CAMK2D: variants seen among roughly 807,000 people sequenced by gnomAD.
CAMK2D encodes the protein calcium/calmodulin-dependent protein kinase type II subunit delta.
A neutral mutation model predicts 84.0 loss-of-function variants in CAMK2D; 37 were observed. The ratio of observed to expected loss-of-function variants is 0.44; its 90% confidence interval spans 0.34 to 0.58. CAMK2D has a LOEUF of 0.58. CAMK2D is among the 20% of genes least tolerant of loss of function. The probability of loss-of-function intolerance (pLI) is 0.02; values close to 1 mark genes in which losing one functional copy is unlikely to be tolerated. For synonymous variants in CAMK2D, 202 were observed against 212.5 expected (o/e 0.95, Z 0.43); for missense variants, 448 against 652.5 (o/e 0.69, Z 3.41).
intron 2 of CAMK2D, among the ~76,000 whole-genome samples, chr4:113,752,049 G>A (rs570693933): frequency 6.6e-6 from 1 of 151,402 alleles, no homozygotes; most frequent in Non-Finnish European, 1.5e-5. Flanking sequence ...AAAACCCCAG[G>A]GTATGAAGAA....
At chr4:113,609,574 G>T (rs970620283) in intron 3 of CAMK2D, among the ~76,000 whole-genome samples, 14 of 152,150 alleles carry the variant, frequency 9.2e-5, no homozygotes, top group Admixed American at 7.9e-4. Flanking sequence ...AAAGTTACCA[G>T]GTTCTGGCAA....
intron 3 of CAMK2D, among the ~76,000 whole-genome samples, chr4:113,630,576 C>T (rs1592200579): frequency 6.6e-6 from 1 of 152,166 alleles, no homozygotes; most frequent in East Asian, 1.9e-4. Context: ...ACAGCTGCCG[C>T]TACATCTGCT....
chr4:113,456,678 A>G (rs2097307582), intron 19 of CAMK2D: 1 of 152,444 alleles, frequency 6.6e-6, no homozygotes, highest in African/African-American at 2.4e-5. Context: ...GATAAACTTT[A>G]TTATATCATT....
Position 113,481,683 on chromosome 4 carries a change from T to C in CAMK2D, c.1136-16079A>G, listed in dbSNP as rs566977370. 1.0e-3 allele frequency among the ~76,000 whole-genome samples: 158 copies of C among 152,308 alleles called. 1 individual carries two copies. The highest frequency in any genetic ancestry group is 3.5e-3 in the African/African-American group (146 of 41,574). On this transcript the variant is annotated intron_variant, in intron 16 of 20. Coordinates refer to ENST00000511664, the MANE Select transcript of CAMK2D (RefSeq NM_001321571.2). ...TTTTAGTAGAGATGGGGTTTTGTCA[T>C]GTTGGCCAGGCTGGTCTCAAAAACT...
At chr4:113,503,015 T>A (rs1448238688) in intron 14 of CAMK2D, 38 bp from the exon 15 acceptor site, 1 of 1,450,248 alleles carries the variant, frequency 6.9e-7, no homozygotes, top group Non-Finnish European at 9.7e-7. Flanking sequence ...ACAGTTCGCA[T>A]TGGTAAGTAC....
At chr4:113,760,957 C>T (rs765693868) in intron 1 of CAMK2D, 47 bp downstream of exon 1, 2 of 1,613,318 alleles carry the variant, frequency 1.2e-6, no homozygotes, top group South Asian at 2.2e-5. Flanking sequence ...ACGCGACCCG[C>T]CCTCAGCTGG....
In CAMK2D at chr4:113,761,098, G is replaced by C. The variant is rs750442155; in HGVS notation, c.-30C>G. 11 of 1,613,498 alleles carry C rather than the reference G, an allele frequency of 6.8e-6. No homozygotes were observed. The African/African-American group carries it at 8.0e-5, about 12-fold the overall frequency. On this transcript the variant is annotated 5_prime_UTR_variant, in exon 1 of 21. Coordinates refer to ENST00000511664, the MANE Select transcript of CAMK2D (RefSeq NM_001321571.2). ...GGTCCGGGCTGTGCCCTGGCTGGGA[G>C]CGCGACGGACCAGAAGCGAGCAGAC...
intron 16 of CAMK2D, among the ~76,000 whole-genome samples, chr4:113,466,218 C>A (rs1023521931): frequency 1.3e-5 from 2 of 151,640 alleles, no homozygotes; most frequent in African/African-American, 4.8e-5. Context: ...GATCACGCCA[C>A]TGCACTCCAG....
intron 16 of CAMK2D, among the ~76,000 whole-genome samples, chr4:113,498,560 C>T (rs191498372): frequency 9.2e-5 from 14 of 152,216 alleles, no homozygotes; most frequent in Admixed American, 2.6e-4. Flanking sequence ...TTGGGTTAAA[C>T]GATCAACTGG....
chr4:113,504,022 G>A (rs550288530), intron 14 of CAMK2D, among the ~76,000 whole-genome samples: 23 of 152,132 alleles, frequency 1.5e-4, no homozygotes, highest in African/African-American at 5.3e-4. Flanking sequence ...GATCAACATT[G>A]TTTTTTACTA....
intron 4 of CAMK2D, among the ~76,000 whole-genome samples, chr4:113,555,932 C>T (rs186223576): frequency 1.3e-5 from 2 of 152,104 alleles, no homozygotes; most frequent in Non-Finnish European, 2.9e-5. Flanking sequence ...CTCTTTTCTC[C>T]GTGTAGAGAT....
intron 2 of CAMK2D, among the ~76,000 whole-genome samples, chr4:113,712,398 G>T (rs1053876418): frequency 1.3e-5 from 2 of 152,096 alleles, no homozygotes; most frequent in African/African-American, 4.8e-5. Flanking sequence ...ATGGGAAATA[G>T]TGTTTCCCAA....
chr4:113,559,425 T>C (rs2098687742), intron 4 of CAMK2D, among the ~76,000 whole-genome samples: 1 of 152,254 alleles, frequency 6.6e-6, no homozygotes. Context: ...TTTGCTCATA[T>C]TTTGTTATTT....
At chr4:113,500,817 C>T (rs768798855) in intron 15 of CAMK2D, among the ~76,000 whole-genome samples, 2 of 152,080 alleles carry the variant, frequency 1.3e-5, no homozygotes, top group Non-Finnish European at 2.9e-5. Context: ...TTTTGTGTTA[C>T]AGTGCCCTAT....
chr4:113,673,468 T>C (rs1317890020), intron 2 of CAMK2D, among the ~76,000 whole-genome samples: 2 of 151,978 alleles, frequency 1.3e-5, no homozygotes, highest in Non-Finnish European at 2.9e-5. Flanking sequence ...AAAAGTGGGG[T>C]GTAAAGCCAG....
intron 8 of CAMK2D, among the ~76,000 whole-genome samples, chr4:113,525,555 G>C (rs563168414): frequency 6.6e-5 from 10 of 152,290 alleles, no homozygotes; most frequent in Non-Finnish European, 1.2e-4. Flanking sequence ...CAAAGAGAGA[G>C]TACAGGTCAG....
chr4:113,668,987 G>T (rs887046855), intron 2 of CAMK2D, among the ~76,000 whole-genome samples: 6 of 152,000 alleles, frequency 3.9e-5, no homozygotes, highest in Non-Finnish European at 8.8e-5. Context: ...GACTGTAAAG[G>T]AATAAATATT....
Position 113,627,741 on chromosome 4 carries a change from C to T in CAMK2D, c.221-18535G>A, listed in dbSNP as rs147084811. ...GGCATTACATAGATGGTGAAAAGGG[C>T]ATTTGCTTAGTGTTTATAAAAGCTT... On this transcript the variant is annotated intron_variant, in intron 3 of 20. Transcript: ENST00000511664. Among the ~76,000 whole-genome samples, 91 of 152,264 alleles carry T rather than the reference C, an allele frequency of 6.0e-4. 1 individual carries two copies. The highest frequency in any genetic ancestry group is 3.4e-3 in the Middle Eastern group (1 of 294).
chr4:113,465,688 A>T (rs2097451184), intron 16 of CAMK2D, 84 bp from the exon 17 acceptor site: 1 of 841,888 alleles, frequency 1.2e-6, no homozygotes, highest in Non-Finnish European at 2.0e-6. Context: ...TTTTTGAGAT[A>T]GGGTCTCACT....
Sources: allele counts gnomAD v4.1 joint callset (sites outside exome capture counted in the v4.1 genomes callset), GRCh38; gene constraint gnomAD v4.1.1; transcripts MANE v1.5; gene names NCBI Gene and HGNC (gene_info 2026-07-23, HGNC 2026-07-21).